WDR36: variants seen among roughly 807,000 people sequenced by gnomAD.
The protein encoded by WDR36 is WD repeat domain 36, also known as WD repeat-containing protein 36.
In WDR36, 63 loss-of-function variants were observed where a neutral mutation model predicts 112.7. The ratio of observed to expected loss-of-function variants is 0.56; its 90% confidence interval spans 0.46 to 0.69. WDR36 has a LOEUF of 0.69. Ranked by LOEUF, WDR36 falls within the 30% of genes least tolerant of loss-of-function variation. The pLI is 0.00. For synonymous variants in WDR36, 410 were observed against 362.2 expected (o/e 1.13, Z -1.50); for missense variants, 1,226 against 1,070.3 (o/e 1.15, Z -2.03).
chr5:111,111,165 G>T lies in WDR36; in HGVS notation c.1608-5G>T, dbSNP rs749081886. ...TTATTAAAACTGGTGCATTTATCTT[G>T]CTAGTGGCATTCTGGGACTCGCCTT... On this transcript the variant is annotated splice_region_variant and splice_polypyrimidine_tract_variant and intron_variant, in intron 14 of 22. Coordinates refer to ENST00000513710, the MANE Select transcript of WDR36 (RefSeq NM_139281.3). 2.0e-5 allele frequency: 32 copies of T among 1,610,894 alleles called. No homozygotes were observed. Among genetic ancestry groups the T allele is most frequent in the Non-Finnish European group, 2.7e-5 (32 of 1,177,552 alleles).
At chr5:111,105,964 TTA>T in intron 10 of WDR36, 91 bp from the exon 11 acceptor site, 1 of 967,406 alleles carries the variant, frequency 1.0e-6, no homozygotes, top group Non-Finnish European at 1.7e-6. Flanking sequence ...ATCTTGTACT[TTA>T]TAGTTACAAG....
At chr5:111,098,111 G>A (rs1451821038) in intron 3 of WDR36, among the ~76,000 whole-genome samples, 4 of 152,114 alleles carry the variant, frequency 2.6e-5, no homozygotes, top group Non-Finnish European at 5.9e-5. Context: ...CAAAATAGGG[G>A]TGGGGAGGCG....
rs1753331462 is a variant in WDR36, at chr5:111,111,202, C to T, written c.1640C>T (p.Ser547Phe). ...GILGLALDDF[S>F]ISVLDIETRK... is the part of the protein sequence containing the mutation. ...CTGGGACTCGCCTTGGATGACTTCT[C>T]CATTAGTGTTCTGGACATAGAAACT... Residue 547 changes from serine to phenylalanine, a missense_variant, in exon 15 of 23, where the codon TCC becomes TTC. Physicochemically the swap from Ser to Phe is radical, Grantham distance 155. Transcript: ENST00000513710. 2.5e-6 allele frequency: 4 copies of T among 1,611,830 alleles called. No individual in the cohort carries two copies. The Admixed American group carries it at 5.0e-5, about 20-fold the overall frequency.
In WDR36 at chr5:111,092,618, C is replaced by G; in HGVS notation, c.162C>G (p.Asp54Glu). Residue 54 changes from aspartate (D) to glutamate (E), a missense_variant and splice_region_variant, in exon 1 of 23, where the codon GAC becomes GAG. Physicochemically the swap from Asp to Glu is conservative, Grantham distance 45. Transcript: ENST00000513710. ...TCVGKSFHTY[D>E]VQKLSLVAVS... ...TGGGCAAGAGTTTCCACACCTATGACGTGAGTGACTTCTTTTGTTAGCTTC... is the reference window on the plus strand; with the variant it reads ...TGGGCAAGAGTTTCCACACCTATGAGGTGAGTGACTTCTTTTGTTAGCTTC... 1.2e-6 allele frequency: 2 copies of G among 1,612,542 alleles called. No individual in the cohort carries two copies. Among genetic ancestry groups the G allele is most frequent in the South Asian group, 1.1e-5 (1 of 90,978 alleles).
chr5:111,102,525 G>T (rs1753141681), intron 6 of WDR36, 126 bp downstream of exon 6: 1 of 935,032 alleles, frequency 1.1e-6, no homozygotes, highest in Non-Finnish European at 1.7e-6. Context: ...CTTTAAAATT[G>T]TTAGCCTGAG....
chr5:111,100,007 C>G (rs568477721), intron 4 of WDR36, among the ~76,000 whole-genome samples: 11 of 151,904 alleles, frequency 7.2e-5, no homozygotes, highest in African/African-American at 2.4e-4. Context: ...ATTTTTTTAT[C>G]TTGGAGCAAG....
In WDR36 at chr5:111,105,310, TTCAG is replaced by T; in HGVS notation, c.1047_1050del (p.Gln349HisfsTer17). The T allele has an allele frequency of 6.2e-7, 1 of 1,610,010 alleles. No individual in the cohort carries two copies. Among genetic ancestry groups the T allele is most frequent in the Non-Finnish European group, 8.5e-7 (1 of 1,177,174 alleles). On this transcript the variant is annotated frameshift_variant, in exon 10 of 23. Coordinates refer to ENST00000513710, the MANE Select transcript of WDR36 (RefSeq NM_139281.3). LOFTEE classifies it high-confidence loss of function. The stretch of plus-strand genomic sequence containing the variant: ...ATATCAACAGGTCAAGATGGAACTC[TTCAG>T]TCATTTTCCACGGTACATGAAAAAT...
rs1753763902 is a variant in WDR36, at chr5:111,130,251, T to C, written c.*3368T>C. ...AATGCCCTGCAGATCATGGGACCTA[T>C]GCATATGAAAAGTCGGTCCTTGTAT... On this transcript the variant is annotated 3_prime_UTR_variant, in exon 23 of 23. Coordinates refer to ENST00000513710, the MANE Select transcript of WDR36 (RefSeq NM_139281.3). The C allele has an allele frequency of 5.0e-6, 1 of 202,014 alleles. No individual in the cohort carries two copies. The highest frequency in any genetic ancestry group is 1.0e-5 in the Non-Finnish European group (1 of 97,814). 12.5% of individuals were successfully genotyped at this position (202,014 alleles called of 1,614,324 possible). A position where few individuals can be genotyped will look rare whatever the true frequency, so the allele number is the denominator to read the frequency against.
In WDR36 at chr5:111,129,340, T is replaced by G; in HGVS notation, c.*2457T>G. 1.0e-5 allele frequency: 2 copies of G among 193,798 alleles called. No individual in the cohort carries two copies. Among genetic ancestry groups the G allele is most frequent in the Non-Finnish European group, 1.1e-5 (1 of 92,898 alleles). 12.0% of individuals were successfully genotyped at this position (193,798 alleles called of 1,614,324 possible). On this transcript the variant is annotated 3_prime_UTR_variant, in exon 23 of 23. Coordinates refer to ENST00000513710, the MANE Select transcript of WDR36 (RefSeq NM_139281.3). ...CCATTTGGGTTCCAGAATGGCTGTA[T>G]CAAGTTACAGTTCCCCTGAGCAAGA...
At chr5:111,094,845 T>G in intron 1 of WDR36, 75 bp from the exon 2 acceptor site, 1 of 1,220,836 alleles carries the variant, frequency 8.2e-7, no homozygotes, top group Non-Finnish European at 1.2e-6. Flanking sequence ...TGAGGTTATA[T>G]CTTAATCTTC....
intron 15 of WDR36, among the ~76,000 whole-genome samples, chr5:111,112,135 A>G (rs1753354348): frequency 6.6e-6 from 1 of 151,908 alleles, no homozygotes; most frequent in African/African-American, 2.4e-5. Context: ...TGAGGGTGGG[A>G]TTGGGTTAAT....
intron 12 of WDR36, 102 bp from the exon 13 acceptor site, chr5:111,110,087 G>T: frequency 1.3e-6 from 1 of 790,808 alleles, no homozygotes; most frequent in Non-Finnish European, 2.2e-6. Flanking sequence ...TTGTTCTTTT[G>T]TTAAATAAAA....
At chr5:111,122,822 A>C (rs532000545) in intron 19 of WDR36, among the ~76,000 whole-genome samples, 1 of 152,154 alleles carries the variant, frequency 6.6e-6, no homozygotes, top group African/African-American at 2.4e-5. Flanking sequence ...TCTTCCATCA[A>C]ATGTTCCTGA....
At chr5:111,121,231 G>A in intron 19 of WDR36, 90 bp downstream of exon 19, 1 of 1,405,470 alleles carries the variant, frequency 7.1e-7, no homozygotes, top group Non-Finnish European at 1.0e-6. Flanking sequence ...TACATTGAGG[G>A]CATTAGAAGA....
intron 16 of WDR36, among the ~76,000 whole-genome samples, chr5:111,113,753 T>G (rs1266721342): frequency 1.3e-5 from 2 of 152,122 alleles, no homozygotes; most frequent in African/African-American, 2.4e-5. Context: ...GTGGAGACTC[T>G]GAAGAGTCCC....
intron 15 of WDR36, 22 bp from the exon 16 acceptor site, chr5:111,113,052 A>ATTTTTTTT (rs201180028): frequency 2.1e-5 from 10 of 473,612 alleles, no homozygotes; most frequent in Middle Eastern, 5.4e-4. Context: ...ATATATATAT[A>ATTTTTTTT]TTTTTTTTTT....
rs1221877988 is a variant in WDR36 at position 111,110,887 on chromosome 5, A to G, written c.1541A>G (p.Asn514Ser). 6.2e-7 allele frequency: 1 copy of G among 1,611,670 alleles called. No homozygotes were observed. Among genetic ancestry groups the G allele is most frequent in the Non-Finnish European group, 8.5e-7 (1 of 1,178,548 alleles). ...EGLLKFWNFK[N>S]KILIHSVSLS... is the part of the protein sequence containing the mutation. The stretch of plus-strand genomic sequence containing the variant: ...TTACTCAAATTCTGGAACTTTAAAA[A>G]CAAAATTTTAATCCATTCTGTGAGC... Residue 514 changes from asparagine to serine, a missense_variant, in exon 14 of 23, where the codon AAC becomes AGC. Physicochemically the swap from Asn to Ser is conservative, Grantham distance 46 (BLOSUM62 1). Coordinates refer to ENST00000513710, the MANE Select transcript of WDR36 (RefSeq NM_139281.3).
chr5:111,125,512 T>C (rs746292005), intron 21 of WDR36, 96 bp from the exon 22 acceptor site: 2 of 1,268,884 alleles, frequency 1.6e-6, no homozygotes, highest in Non-Finnish European at 2.2e-6. Flanking sequence ...TCCTGTACCA[T>C]TTAAATATAT....
rs897590279 is a variant in WDR36, at chr5:111,116,658, C to A, written c.1797-2355C>A. On this transcript the variant is annotated intron_variant, in intron 16 of 22. Transcript: ENST00000513710. ...ATGAAACTGTATGGTAGTTTTAGGT[C>A]TGGGATGAGCCTGTGCATTTATGTT... 1.3e-4 allele frequency among the ~76,000 whole-genome samples: 20 copies of A among 152,046 alleles called. 1 individual carries two copies. Among genetic ancestry groups the A allele is most frequent in the African/African-American group, 4.6e-4 (19 of 41,406 alleles).
Sources: allele counts gnomAD v4.1 joint callset (sites outside exome capture counted in the v4.1 genomes callset), GRCh38; gene constraint gnomAD v4.1.1; transcripts MANE v1.5; gene names NCBI Gene and HGNC (gene_info 2026-07-23, HGNC 2026-07-21).